Variants in VPS13C observed in about 807,000 individuals in gnomAD.
VPS13C encodes vacuolar protein sorting 13 homolog C.
In VPS13C, 358 loss-of-function variants were observed where a neutral mutation model predicts 456.8. The ratio of observed to expected loss-of-function variants is 0.78; its 90% confidence interval spans 0.72 to 0.86. The LOEUF is 0.86. Among genes scored for constraint, VPS13C ranks in the 40% least tolerant of loss-of-function variants. VPS13C has a pLI of 0.00. For missense variants in VPS13C, 4,818 were observed against 4,385.4 expected (o/e 1.10, Z -2.79); for synonymous variants, 1,578 against 1,486.7 (o/e 1.06, Z -1.41).
In VPS13C at chr15:61,922,653, C is replaced by T. The variant is rs770139584; in HGVS notation, c.6719G>A (p.Gly2240Asp). 1.4e-5 allele frequency: 22 copies of T among 1,613,840 alleles called. No homozygotes were observed. In the Admixed American group the frequency reaches 3.0e-4, roughly 22 times the overall value. ...GTTATAATCATTAATCGATTTGATACCCCAAAGATTTTCCATTTCCTTAGA... is the reference window on the plus strand; with the variant it reads ...GTTATAATCATTAATCGATTTGATATCCCAAAGATTTTCCATTTCCTTAGA... ...DTSKEMENLWGIKSINDYNTW... is the reference protein window; with the variant it reads ...DTSKEMENLWDIKSINDYNTW... The change falls in exon 54 of 85, where the codon GGT (glycine) becomes GAT (aspartate). Residue 2240 changes from glycine to aspartate, a missense_variant. Gly to Asp is a moderately conservative substitution (Grantham distance 94, BLOSUM62 -1). Around this residue, in one of 3 missense-constraint regions of VPS13C, gnomAD observed 4,552 missense variants for 4,130.6 expected, o/e 1.10. Transcript: ENST00000644861.
intron 15 of VPS13C, 21 bp downstream of exon 15, chr15:62,007,287 A>G (rs773597042): frequency 2.6e-6 from 4 of 1,537,720 alleles, no homozygotes; most frequent in Non-Finnish European, 3.5e-6. Context: ...AATAGCTCTC[A>G]CTAATATATG....
intron 20 of VPS13C, 33 bp from the exon 21 acceptor site, chr15:61,982,606 AC>A: frequency 2.7e-6 from 4 of 1,456,658 alleles, no homozygotes; most frequent in Non-Finnish European, 3.8e-6. Context: ...TAACCAAGTT[AC>A]ACATGGTTCT....
At chr15:61,974,246 A>T in intron 25 of VPS13C, 42 bp downstream of exon 25, 1 of 1,565,628 alleles carries the variant, frequency 6.4e-7, no homozygotes, top group Non-Finnish European at 8.7e-7. Context: ...ACTGCTCTAA[A>T]ACAATAAAAA....
intron 3 of VPS13C, among the ~76,000 whole-genome samples, chr15:62,035,835 A>G (rs1023747824): frequency 3.9e-5 from 6 of 152,038 alleles, no homozygotes; most frequent in African/African-American, 1.4e-4. Context: ...ACTTTCACTC[A>G]TGACACAGAT....
intron 27 of VPS13C, among the ~76,000 whole-genome samples, chr15:61,971,460 C>T (rs558417196): frequency 5.3e-5 from 8 of 152,196 alleles, no homozygotes; most frequent in African/African-American, 1.4e-4. Flanking sequence ...GGGGTTTCAC[C>T]GTGTTGCCCA....
Position 61,853,579 on chromosome 15 carries a change from G to T in VPS13C, c.*878C>A, listed in dbSNP as rs1354569794. The T allele has an allele frequency of 1.3e-5, 2 of 152,046 alleles. No homozygotes were observed. Among genetic ancestry groups the T allele is most frequent in the Non-Finnish European group, 2.9e-5 (2 of 68,000 alleles). 9.4% of individuals were successfully genotyped at this position (152,046 alleles called of 1,614,324 possible). On this transcript the variant is annotated 3_prime_UTR_variant, in exon 85 of 85. Transcript: ENST00000644861. ...AAAGTAAAATATGCTTTATTAGGGG[G>T]AAAAACAGTGTTTTCATGAAAAGAA...
At chr15:61,904,082 T>C (rs1394287275) in intron 66 of VPS13C, among the ~76,000 whole-genome samples, 1 of 152,108 alleles carries the variant, frequency 6.6e-6, no homozygotes, top group Non-Finnish European at 1.5e-5. Context: ...GGCAAAGACT[T>C]TGGATAACAC....
intron 3 of VPS13C, among the ~76,000 whole-genome samples, chr15:62,035,458 C>A (rs1436847266): frequency 6.6e-6 from 1 of 151,856 alleles, no homozygotes; most frequent in African/African-American, 2.4e-5. Context: ...ATTCGGTGCA[C>A]AACAACAGTT....
intron 68 of VPS13C, 50 bp downstream of exon 68, chr15:61,884,078 C>T: frequency 1.3e-6 from 2 of 1,518,892 alleles, no homozygotes; most frequent in South Asian, 1.3e-5. Flanking sequence ...TTACTACCAC[C>T]ACCAAGAAAA....
At chr15:61,866,305 A>G in intron 81 of VPS13C, 1 of 983,522 alleles carries the variant, frequency 1.0e-6, no homozygotes, top group Non-Finnish European at 1.2e-6. Context: ...AATAAAAACT[A>G]AGAAATCAGA....
chr15:62,010,432 C>A lies in VPS13C; in HGVS notation c.1011+40G>T, dbSNP rs201550111. On this transcript the variant is annotated intron_variant, in intron 13 of 84. Transcript: ENST00000644861. ...ATCACAAATAAAAGCAGTCAAGATT[C>A]AAGGCTAATCAAAGCTGGAAATATC... 2,034 of 1,520,558 alleles carry A rather than the reference C, an allele frequency of 1.3e-3. 4 individuals carry two copies. The highest frequency in any genetic ancestry group is 1.7e-3 in the Non-Finnish European group (1,955 of 1,133,458). 94.2% of individuals were successfully genotyped at this position (1,520,558 alleles called of 1,614,324 possible). A position where few individuals can be genotyped will look rare whatever the true frequency, so the allele number is the denominator to read the frequency against.
chr15:61,872,653 C>A (rs1895121245), intron 78 of VPS13C, among the ~76,000 whole-genome samples: 1 of 152,088 alleles, frequency 6.6e-6, no homozygotes, highest in Admixed American at 6.6e-5. Context: ...CCTGTATATT[C>A]TATGAACACA....
At chr15:61,964,039 C>A in intron 31 of VPS13C, 88 bp from the exon 32 acceptor site, 1 of 718,280 alleles carries the variant, frequency 1.4e-6, no homozygotes. Flanking sequence ...AAGTGAACCA[C>A]TGTTATGTTA....
At chr15:61,865,576 A>ATGTGTGTATATGTG in intron 81 of VPS13C, 1 of 698,586 alleles carries the variant, frequency 1.4e-6, no homozygotes. Context: ...TTGCGTATAT[A>ATGTGTGTATATGTG]TGTGTGTATA....
intron 1 of VPS13C, among the ~76,000 whole-genome samples, chr15:62,044,994 C>T (rs1413876880): frequency 6.6e-6 from 1 of 152,072 alleles, no homozygotes; most frequent in Non-Finnish European, 1.5e-5. Context: ...ATTTATGACA[C>T]ATATATTTTT....
At position 61,911,899 on chromosome 15, in the gene VPS13C, C is replaced by T. The variant is rs140395700; in HGVS notation, c.8656G>A (p.Glu2886Lys). The T allele has an allele frequency of 4.9e-5, 79 of 1,612,272 alleles. No individual in the cohort carries two copies. The highest frequency in any genetic ancestry group is 3.3e-4 in the Middle Eastern group (2 of 6,078). The change falls in exon 63 of 85, where the codon GAG becomes AAG. Residue 2886 changes from glutamate (E) to lysine (K), a missense_variant. By Grantham distance (56) the Glu-to-Lys change is moderately conservative. Around this residue, in one of 3 missense-constraint regions of VPS13C, gnomAD observed 4,552 missense variants for 4,130.6 expected, o/e 1.10. Transcript: ENST00000644861. ...GGCATTGAGCCATCAGATGCAATCT[C>T]GCCAACTTCTAGTTCTAATGATGAC... ...NKSSLELEVGEIASDGSMPTN... is the reference protein window; with the variant it reads ...NKSSLELEVGKIASDGSMPTN...
At chr15:61,990,857 A>C in intron 18 of VPS13C, 143 bp downstream of exon 18, 2 of 616,964 alleles carry the variant, frequency 3.2e-6, no homozygotes. Flanking sequence ...TAATTGGTAA[A>C]ACCTGACTGA....
intron 1 of VPS13C, among the ~76,000 whole-genome samples, chr15:62,054,830 T>C (rs1001394957): frequency 1.3e-5 from 2 of 152,170 alleles, no homozygotes; most frequent in Non-Finnish European, 2.9e-5. Flanking sequence ...AAACAAAGAC[T>C]GTTTTCCATC....
intron 15 of VPS13C, among the ~76,000 whole-genome samples, chr15:62,001,208 T>C (rs571116603): frequency 2.0e-5 from 3 of 152,342 alleles, no homozygotes; most frequent in Admixed American, 6.5e-5. Flanking sequence ...ATTGTTACCA[T>C]TTTATATACG....
Sources: gnomAD v4.1 joint callset for allele counts (sites outside exome capture counted in the v4.1 genomes callset) on GRCh38, gnomAD v4.1.1 for gene constraint, gnomAD v4.1.1 regional missense constraint, MANE v1.5 for transcripts, NCBI Gene and HGNC (gene_info 2026-07-23, HGNC 2026-07-21) for gene names.